The following TANC1 variants were observed in gnomAD, a reference collection of about 807,000 sequenced individuals.
TANC1 encodes tetratricopeptide repeat, ankyrin repeat and coiled-coil containing 1.
TANC1 carries 77 observed loss-of-function variants against 149.7 expected under a neutral mutation model. The observed-to-expected ratio is 0.51, with a 90% confidence interval of 0.43 to 0.62. The LOEUF is 0.62. Ranked by LOEUF, TANC1 falls within the 20% of genes least tolerant of loss-of-function variation. The pLI is 0.00. For synonymous variants in TANC1, 854 were observed against 925.0 expected (o/e 0.92, Z 1.39); for missense variants, 1,985 against 2,321.8 (o/e 0.85, Z 2.98).
intron 2 of TANC1, among the ~76,000 whole-genome samples, chr2:159,010,538 C>G (rs1360021548): frequency 1.3e-5 from 2 of 152,118 alleles, no homozygotes; most frequent in Non-Finnish European, 2.9e-5. Flanking sequence ...GGGGGAGGGC[C>G]TGGCTGTGGC....
At chr2:159,026,330 T>G (rs2039339284) in intron 2 of TANC1, among the ~76,000 whole-genome samples, 1 of 152,176 alleles carries the variant, frequency 6.6e-6, no homozygotes, top group Non-Finnish European at 1.5e-5. Context: ...CAGCTCAGTG[T>G]CCTTACTCAG....
At chr2:159,062,604 T>C (rs142978938) in intron 2 of TANC1, among the ~76,000 whole-genome samples, 415 of 152,234 alleles carry the variant, frequency 2.7e-3, no homozygotes, top group African/African-American at 9.6e-3. Flanking sequence ...TGCCTTCTCT[T>C]TGGTCCTCAG....
At chr2:158,982,938 T>C (rs2034542456) in intron 1 of TANC1, among the ~76,000 whole-genome samples, 1 of 152,208 alleles carries the variant, frequency 6.6e-6, no homozygotes, top group Non-Finnish European at 1.5e-5. Context: ...CATATTTTAT[T>C]CAGCATTCTG....
At position 158,977,861 on chromosome 2, in the gene TANC1, T is replaced by G. The variant is rs188930035; in HGVS notation, c.-126+9079T>G. 6.6e-4 allele frequency among the ~76,000 whole-genome samples: 101 copies of G among 152,230 alleles called. No homozygotes were observed. The East Asian group carries it at 0.018, about 27-fold the overall frequency. On this transcript the variant is annotated intron_variant, in intron 1 of 26. Transcript: ENST00000263635. ...GTCTCTGCTAATACCACTGAACTCC[T>G]GCCCGTCCCTGATACTTTGTTTCAA...
At chr2:159,106,608 A>G (rs2047208175) in intron 4 of TANC1, among the ~76,000 whole-genome samples, 1 of 152,162 alleles carries the variant, frequency 6.6e-6, no homozygotes, top group African/African-American at 2.4e-5. Flanking sequence ...CACATTGGCT[A>G]TTTATTATAT....
chr2:159,144,374 CTTTTTA>C (rs927664016), intron 5 of TANC1, among the ~76,000 whole-genome samples: 5 of 151,952 alleles, frequency 3.3e-5, no homozygotes, highest in South Asian at 2.1e-4. Context: ...ATGGATGTTC[CTTTTTA>C]TTTTTATTTT....
chr2:159,043,851 G>C (rs2040842741), intron 2 of TANC1, among the ~76,000 whole-genome samples: 1 of 152,098 alleles, frequency 6.6e-6, no homozygotes, highest in Admixed American at 6.5e-5. Context: ...TAATGACAAG[G>C]CTCCTTATCG....
Position 158,979,787 on chromosome 2 carries a change from G to T in TANC1, c.-126+11005G>T, listed in dbSNP as rs189478771. ...ATTTGTTTCATTGTAGATTCCCAAG[G>T]CAATGGGTTTGAATAAATTAAGTTA... On this transcript the variant is annotated intron_variant, in intron 1 of 26. Transcript: ENST00000263635. Among the ~76,000 whole-genome samples, 567 of 152,300 alleles carry T rather than the reference G, an allele frequency of 3.7e-3. 3 individuals are homozygous for T. The highest frequency in any genetic ancestry group is 3.4e-3 in the Non-Finnish European group (229 of 68,024).
At chr2:159,085,404 G>A (rs1041414749) in intron 3 of TANC1, among the ~76,000 whole-genome samples, 3 of 152,120 alleles carry the variant, frequency 2.0e-5, no homozygotes, top group African/African-American at 7.2e-5. Context: ...TAGATGTAAA[G>A]TGCTTAGCAA....
intron 14 of TANC1, among the ~76,000 whole-genome samples, chr2:159,184,291 G>A (rs1439162295): frequency 6.6e-6 from 1 of 152,200 alleles, no homozygotes; most frequent in East Asian, 1.9e-4. Flanking sequence ...TGTCTTAGAA[G>A]GGGATTGCTT....
intron 11 of TANC1, among the ~76,000 whole-genome samples, chr2:159,174,260 T>C (rs1445429515): frequency 6.6e-6 from 1 of 152,182 alleles, no homozygotes; most frequent in South Asian, 2.1e-4. Flanking sequence ...CTGCTGACAC[T>C]GCAGGTCCCT....
intron 19 of TANC1, among the ~76,000 whole-genome samples, chr2:159,211,705 G>A (rs531244141): frequency 2.0e-5 from 3 of 152,218 alleles, no homozygotes; most frequent in East Asian, 1.9e-4. Context: ...GGAGTTCGCC[G>A]TGATGGCCCC....
rs1309752099 is a variant in TANC1, at chr2:159,194,317, A to G, written c.2803A>G (p.Asn935Asp). Residue 935 changes from asparagine (N) to aspartate (D), a missense_variant, in exon 17 of 27, where the codon AAT becomes GAT. Around this residue, in one of 3 missense-constraint regions of TANC1, gnomAD observed 508 missense variants for 714.2 expected, o/e 0.71. Coordinates refer to ENST00000263635, the MANE Select transcript of TANC1 (RefSeq NM_033394.3). ...NVNYRTEVLN[N>D]APILCVQSHL... ...GAACTACAGGACAGAAGTGTTAAAT[A>G]ATGCCCCAATCCTGTGCGTCCAGTC... is the stretch of plus-strand genomic sequence containing the variant. 2 of 1,614,148 alleles carry G rather than the reference A, an allele frequency of 1.2e-6. No homozygotes were observed. Among genetic ancestry groups the G allele is most frequent in the African/African-American group, 2.7e-5 (2 of 74,948 alleles).
At chr2:159,149,348 C>T (rs1559349277) in intron 6 of TANC1, 76 bp downstream of exon 6, 1 of 1,592,160 alleles carries the variant, frequency 6.3e-7, no homozygotes, top group Admixed American at 1.7e-5. Context: ...TCTCCCTTTC[C>T]TTGAGCAGGG....
intron 2 of TANC1, chr2:159,056,043 C>G (rs1007813759): frequency 6.3e-6 from 2 of 319,480 alleles, no homozygotes; most frequent in African/African-American, 4.5e-5. Flanking sequence ...TGATAGGCAT[C>G]TTCAAGAAGC....
At chr2:159,164,254 A>T (rs1486230772) in intron 8 of TANC1, among the ~76,000 whole-genome samples, 1 of 152,220 alleles carries the variant, frequency 6.6e-6, no homozygotes, top group Non-Finnish European at 1.5e-5. Flanking sequence ...GAGCAGAAAT[A>T]CCCAAGGAAA....
At chr2:159,091,899 T>C (rs915727808) in intron 3 of TANC1, among the ~76,000 whole-genome samples, 1 of 151,458 alleles carries the variant, frequency 6.6e-6, no homozygotes, top group African/African-American at 2.4e-5. Flanking sequence ...GTTGTAGTCT[T>C]CTGAAGGGTC....
At chr2:159,213,114 T>C (rs1282848079) in intron 19 of TANC1, among the ~76,000 whole-genome samples, 1 of 152,154 alleles carries the variant, frequency 6.6e-6, no homozygotes. Flanking sequence ...CCATGAATTT[T>C]GTCTTACAAG....
chr2:158,971,243 G>A (rs1268224458), intron 1 of TANC1, among the ~76,000 whole-genome samples: 1 of 152,120 alleles, frequency 6.6e-6, no homozygotes, highest in Admixed American at 6.5e-5. Context: ...CTGAGCCAGT[G>A]GAACTATAAT....
Sources: gnomAD v4.1 joint callset for allele counts (sites outside exome capture counted in the v4.1 genomes callset) on GRCh38, gnomAD v4.1.1 for gene constraint, gnomAD v4.1.1 regional missense constraint, MANE v1.5 for transcripts, NCBI Gene and HGNC (gene_info 2026-07-23, HGNC 2026-07-21) for gene names.